TENM1: variants seen among roughly 807,000 people sequenced by gnomAD.
The protein encoded by TENM1 is teneurin transmembrane protein 1.
In TENM1, 35 loss-of-function variants were observed where a neutral mutation model predicts 174.8. The observed-to-expected ratio is 0.20, with a 90% confidence interval of 0.15 to 0.27. The LOEUF is 0.27. Among genes scored for constraint, TENM1 ranks in the 10% least tolerant of loss-of-function variants. The pLI is 1.00. For synonymous variants in TENM1, 781 were observed against 798.7 expected, an observed-to-expected ratio of 0.98 and a Z score of 0.37; for missense variants, 1,633 against 2,130.1, an observed-to-expected ratio of 0.77 and a Z score of 4.59.
intron 11 of TENM1, among the ~76,000 whole-genome samples, chrX:124,585,361 T>G (rs2049471416): frequency 9.0e-6 from 1 of 111,102 alleles, no homozygotes; most frequent in East Asian, 2.8e-4. Flanking sequence ...GCCATCAAAC[T>G]AGAACTCAGG....
the TENM1 span, among the ~76,000 whole-genome samples, chrX:125,115,875 T>C: frequency 1.6e-4 from 18 of 109,598 alleles, no homozygotes; most frequent in East Asian, 4.6e-3. Context: ...CTTCACAGAA[T>C]TACGAAAAAA....
At chrX:124,966,366 T>C (rs943819000), upstream of TENM1, among the ~76,000 whole-genome samples, 3 of 111,643 alleles carry the variant, frequency 2.7e-5, no homozygotes, top group Admixed American at 9.5e-5. Context: ...CTCACAGCCT[T>C]TGCAACCTCC....
At chrX:124,492,633 A>G (rs752072866) in intron 20 of TENM1, among the ~76,000 whole-genome samples, 6 of 111,133 alleles carry the variant, frequency 5.4e-5, no homozygotes, top group African/African-American at 9.8e-5. Flanking sequence ...TTAGGGAGTT[A>G]CCTGTCAATT....
chrX:125,191,452 A>G, the TENM1 span, among the ~76,000 whole-genome samples: 2,360 of 112,047 alleles, frequency 0.021, 55 homozygotes, highest in African/African-American at 0.072. Context: ...AGTAATATAA[A>G]GAAAAATAGA....
the TENM1 span, among the ~76,000 whole-genome samples, chrX:125,160,779 G>A: frequency 9.2e-6 from 1 of 108,959 alleles, no homozygotes; most frequent in Non-Finnish European, 1.9e-5. Flanking sequence ...TATTAAAAAA[G>A]ATAACAACTG....
At chrX:125,011,887 C>T in the TENM1 span, among the ~76,000 whole-genome samples, 128 of 111,556 alleles carry the variant, frequency 1.1e-3, no homozygotes, top group African/African-American at 3.7e-3. Flanking sequence ...CACATGCACA[C>T]GTATGTTTAT....
At chrX:124,656,095 A>G (rs2051434764) in intron 6 of TENM1, among the ~76,000 whole-genome samples, 1 of 112,508 alleles carries the variant, frequency 8.9e-6, no homozygotes, top group Non-Finnish European at 1.9e-5. Context: ...ATAAATATAA[A>G]ACAATTCAAA....
At chrX:125,056,248 T>C in the TENM1 span, among the ~76,000 whole-genome samples, 1 of 111,701 alleles carries the variant, frequency 9.0e-6, no homozygotes, top group Admixed American at 9.6e-5. Flanking sequence ...CAAGGAATTA[T>C]TGAATGTTAG....
exon 32 of TENM1, chrX:124,376,299 G>T (rs1413179934): frequency 8.9e-6 from 1 of 112,464 alleles, no homozygotes; most frequent in Non-Finnish European, 1.9e-5. Context: ...CAGCTAAAAA[G>T]AATGTTTTTC....
chrX:124,453,377 G>A (rs1353632261), exon 23 of TENM1: 1 of 1,208,902 alleles, frequency 8.3e-7, no homozygotes, highest in Non-Finnish European at 1.1e-6. Flanking sequence ...CAGTGGTTGT[G>A]TGGAAGTCAG....
At chrX:124,476,052 C>A (rs2046717259) in intron 22 of TENM1, among the ~76,000 whole-genome samples, 1 of 111,703 alleles carries the variant, frequency 9.0e-6, no homozygotes, top group African/African-American at 3.3e-5. Context: ...ATCTAAATGG[C>A]TTTGTTACCA....
chrX:124,775,303 CA>C (rs35934307), intron 3 of TENM1, among the ~76,000 whole-genome samples: 935 of 50,262 alleles, frequency 0.019, 16 homozygotes, highest in African/African-American at 0.044. Context: ...AAGACTCCGT[CA>C]AAAAAAAAAA....
the TENM1 span, among the ~76,000 whole-genome samples, chrX:125,158,994 C>G: frequency 9.3e-4 from 103 of 110,268 alleles, no homozygotes; most frequent in African/African-American, 3.2e-3. Flanking sequence ...TCCAGAGATC[C>G]AAGCTGTATA....
chrX:124,806,483 A>G (rs759258114), intron 3 of TENM1, among the ~76,000 whole-genome samples: 16 of 112,164 alleles, frequency 1.4e-4, no homozygotes, highest in Non-Finnish European at 2.3e-4. Flanking sequence ...ATCAGATTCA[A>G]TCCAAATAAC....
chrX:124,931,194 A>G lies in TENM1; in HGVS notation c.217+32343T>C, dbSNP rs1170868379. Among the ~76,000 whole-genome samples the G allele has an allele frequency of 3.6e-5, 4 of 110,693 alleles. No individual in the cohort carries two copies. The East Asian group carries it at 1.1e-3, about 31-fold the overall frequency. On this transcript the variant is annotated intron_variant, in intron 1 of 31. Coordinates refer to ENST00000422452, the Ensembl canonical transcript of TENM1. ...AAAAGGAAAGTGTTAAGTTTGTCTG[A>G]ATTGTAAACAGAATCCATCTGAAGA...
intron 25 of TENM1, among the ~76,000 whole-genome samples, chrX:124,415,238 T>C (rs968366845): frequency 3.6e-5 from 4 of 112,372 alleles, no homozygotes; most frequent in African/African-American, 1.3e-4. Flanking sequence ...CATTTCTGTT[T>C]ACAGGCAAGA....
chrX:125,157,060 G>GGAAA, the TENM1 span, among the ~76,000 whole-genome samples: 3 of 112,329 alleles, frequency 2.7e-5, no homozygotes, highest in African/African-American at 9.7e-5. Context: ...AACTTTGGTT[G>GGAAA]CACATTAGAA....
At chrX:124,754,362 T>G (rs1198988502) in intron 3 of TENM1, among the ~76,000 whole-genome samples, 5 of 111,898 alleles carry the variant, frequency 4.5e-5, no homozygotes, top group Non-Finnish European at 7.5e-5. Flanking sequence ...ATTGCGTCTA[T>G]TTGATTCTTC....
the TENM1 span, among the ~76,000 whole-genome samples, chrX:125,047,607 T>C: frequency 9.0e-6 from 1 of 111,250 alleles, no homozygotes; most frequent in Non-Finnish European, 1.9e-5. Flanking sequence ...TGTGAGTGAA[T>C]GGGATCATGG....
Sources: allele counts gnomAD v4.1 joint callset (sites outside exome capture counted in the v4.1 genomes callset), GRCh38; gene constraint gnomAD v4.1.1; transcripts MANE v1.5; gene names NCBI Gene and HGNC (gene_info 2026-07-23, HGNC 2026-07-21).